The following SLC22A25 variants were observed in gnomAD, a reference collection of about 807,000 sequenced individuals.
SLC22A25 encodes the protein solute carrier family 22 member 25, also known as MGI:2442751, MGI:2385316, MGI:3042283, MGI:3645714, MGI:3605624, MGI:2442750.
SLC22A25 carries 44 observed loss-of-function variants against 45.9 expected under a neutral mutation model. The observed-to-expected ratio is 0.96, with a 90% CI of 0.75 to 1.23. The LOEUF (loss-of-function observed/expected upper bound fraction) is 1.23. Ranked by LOEUF, SLC22A25 falls within the 50% of genes most tolerant of loss-of-function variation. The probability of loss-of-function intolerance (pLI) is 0.00; values close to 1 mark genes in which losing one functional copy is unlikely to be tolerated. For synonymous variants in SLC22A25, 283 were observed against 238.6 expected, an observed-to-expected ratio of 1.19 and a Z score of -1.72; for missense variants, 800 against 666.4, an observed-to-expected ratio of 1.20 and a Z score of -2.21.
intron 3 of SLC22A25, among the ~76,000 whole-genome samples, chr11:63,235,176 T>G (rs2090142082): frequency 6.6e-6 from 1 of 152,206 alleles, no homozygotes; most frequent in African/African-American, 2.4e-5. Context: ...ATTTCCTGAG[T>G]TTGAATGTTG....
chr11:63,171,964 C>A (rs576593469), intron 9 of SLC22A25, among the ~76,000 whole-genome samples: 1 of 151,860 alleles, frequency 6.6e-6, no homozygotes, highest in South Asian at 2.1e-4. Context: ...GATACATAGA[C>A]CAATGGAGCG....
chr11:63,241,191 A>T (rs551699876), intron 1 of SLC22A25, among the ~76,000 whole-genome samples: 1 of 152,218 alleles, frequency 6.6e-6, no homozygotes, highest in Non-Finnish European at 1.5e-5. Context: ...ATTGGAGCTA[A>T]TTGTTGAACC....
At chr11:63,220,049 T>G in intron 5 of SLC22A25, 2 of 1,273,420 alleles carry the variant, frequency 1.6e-6, no homozygotes, top group Non-Finnish European at 2.1e-6. Context: ...ATACGGTAAG[T>G]TAGAGGGTAC....
At chr11:63,209,791 C>T (rs1175114402) in intron 7 of SLC22A25, among the ~76,000 whole-genome samples, 1 of 152,186 alleles carries the variant, frequency 6.6e-6, no homozygotes, top group Admixed American at 6.5e-5. Context: ...CACAACCCAA[C>T]CTGACCAGAT....
At position 63,163,517 on chromosome 11, in the gene SLC22A25, G is replaced by A. The variant is rs1399218009; in HGVS notation, c.*307C>T. Reference sequence around the variant, plus strand: ...ACTCACTGGGCTGAGGGCTCCCCAGGGATGAGAAGATGGTGTTTGGATCCC... The same window carrying A: ...ACTCACTGGGCTGAGGGCTCCCCAGAGATGAGAAGATGGTGTTTGGATCCC... On this transcript the variant is annotated 3_prime_UTR_variant, in exon 12 of 12. Coordinates refer to ENST00000306494, the MANE Select transcript of SLC22A25 (RefSeq NM_199352.6). Among the ~76,000 whole-genome samples, 2 of 152,096 alleles carry A rather than the reference G, an allele frequency of 1.3e-5. No homozygotes were observed. The highest frequency in any genetic ancestry group is 2.9e-5 in the Non-Finnish European group (2 of 68,020).
intron 7 of SLC22A25, among the ~76,000 whole-genome samples, chr11:63,204,674 A>T (rs187192450): frequency 6.6e-6 from 1 of 152,186 alleles, no homozygotes; most frequent in South Asian, 2.1e-4. Flanking sequence ...GTTCTTAGAG[A>T]CCTACAAAGA....
chr11:63,239,760 G>A (rs139120769), intron 1 of SLC22A25, among the ~76,000 whole-genome samples: 91 of 152,286 alleles, frequency 6.0e-4, no homozygotes, highest in Admixed American at 1.6e-3. Flanking sequence ...GGCAGAGTAA[G>A]CCATGGCAAG....
chr11:63,191,250 G>A (rs576291305), intron 7 of SLC22A25, among the ~76,000 whole-genome samples: 73 of 152,184 alleles, frequency 4.8e-4, no homozygotes, highest in Non-Finnish European at 8.5e-4. Flanking sequence ...GCAATGGTGG[G>A]TGCCCCTCCC....
intron 7 of SLC22A25, among the ~76,000 whole-genome samples, chr11:63,194,188 T>C (rs748633123): frequency 1.3e-5 from 2 of 152,112 alleles, no homozygotes; most frequent in Non-Finnish European, 2.9e-5. Context: ...CTATGTTTGA[T>C]TGATGTACCT....
chr11:63,213,556 C>T (rs2089633103), intron 7 of SLC22A25, among the ~76,000 whole-genome samples: 1 of 152,180 alleles, frequency 6.6e-6, no homozygotes, highest in African/African-American at 2.4e-5. Flanking sequence ...GCTGTAGTCA[C>T]CTTAATGGAG....
chr11:63,197,150 G>T (rs1353331438), intron 7 of SLC22A25, among the ~76,000 whole-genome samples: 1 of 152,182 alleles, frequency 6.6e-6, no homozygotes, highest in African/African-American at 2.4e-5. Flanking sequence ...TGGATAGGAA[G>T]AATCAGTATC....
At chr11:63,224,902 A>G (rs2089926754) in intron 5 of SLC22A25, among the ~76,000 whole-genome samples, 2 of 152,208 alleles carry the variant, frequency 1.3e-5, no homozygotes, top group Non-Finnish European at 2.9e-5. Flanking sequence ...GATGGAGACC[A>G]TCCTGGCTAA....
At position 63,227,013 on chromosome 11, in the gene SLC22A25, G is replaced by A. The variant is rs142091149; in HGVS notation, c.506+1448C>T. 2.4e-3 allele frequency among the ~76,000 whole-genome samples: 359 copies of A among 152,194 alleles called. 1 individual carries two copies. The highest frequency in any genetic ancestry group is 8.1e-3 in the African/African-American group (336 of 41,516). ...GGTCAGCTTGTGGTGAATGCTTCCA[G>A]ACCTGGGACTCACCCTTTAGGGCAG... On this transcript the variant is annotated intron_variant, in intron 5 of 11. Coordinates refer to ENST00000306494, the MANE Select transcript of SLC22A25 (RefSeq NM_199352.6).
intron 1 of SLC22A25, among the ~76,000 whole-genome samples, chr11:63,239,954 G>A (rs1486742919): frequency 6.6e-6 from 1 of 152,092 alleles, no homozygotes; most frequent in Non-Finnish European, 1.5e-5. Context: ...CAAAACAACA[G>A]GAATATGCTC....
intron 3 of SLC22A25, among the ~76,000 whole-genome samples, chr11:63,234,466 C>CT (rs1240377194): frequency 6.6e-6 from 1 of 151,964 alleles, no homozygotes; most frequent in Non-Finnish European, 1.5e-5. Context: ...CAACCCCTGC[C>CT]TTTTTTTGTT....
At chr11:63,225,000 G>A (rs535670619) in intron 5 of SLC22A25, among the ~76,000 whole-genome samples, 2 of 152,296 alleles carry the variant, frequency 1.3e-5, no homozygotes, top group Admixed American at 1.3e-4. Context: ...TCGGGAGGCT[G>A]AGGCAGGAGA....
At position 63,229,991 on chromosome 11, in the gene SLC22A25, T is replaced by C. The variant is rs76992350; in HGVS notation, c.-339A>G. Among the ~76,000 whole-genome samples, 418 of 152,380 alleles carry C rather than the reference T, an allele frequency of 2.7e-3. No homozygotes were observed. The highest frequency in any genetic ancestry group is 9.7e-3 in the African/African-American group (402 of 41,594). On this transcript the variant is annotated 5_prime_UTR_variant, in exon 4 of 12. Transcript: ENST00000306494. ...CCAATAGCAGCATTGAACTTTGGTC[T>C]GCACATTTTTTTGTAAACAAACTAA... is the stretch of plus-strand genomic sequence containing the variant.
chr11:63,193,898 G>A (rs1224543688), intron 7 of SLC22A25, among the ~76,000 whole-genome samples: 1 of 152,066 alleles, frequency 6.6e-6, no homozygotes, highest in Non-Finnish European at 1.5e-5. Flanking sequence ...CCCATTGCAA[G>A]GAAGCTAAAA....
rs1458892296 is a variant in SLC22A25, at chr11:63,163,960, A to G, written c.1508T>C (p.Val503Ala). The G allele has an allele frequency of 6.2e-7, 1 of 1,613,716 alleles. No homozygotes were observed. Among genetic ancestry groups the G allele is most frequent in the Non-Finnish European group, 8.5e-7 (1 of 1,179,848 alleles). Residue 503 changes from valine (V) to alanine (A), a missense_variant, in exon 12 of 12, where the codon GTC becomes GCC. Transcript: ENST00000306494. Reference protein sequence around the residue: ...SRPLPWIIYGVFAILSGLVVL... With the variant: ...SRPLPWIIYGAFAILSGLVVL... ...AACAAGGCCAGAGAGGATGGCAAAG[A>G]CTCCATAGATGATCCAGGGCAGGGG...
Sources: gnomAD v4.1 joint callset for allele counts (sites outside exome capture counted in the v4.1 genomes callset) on GRCh38, gnomAD v4.1.1 for gene constraint, MANE v1.5 for transcripts, NCBI Gene and HGNC (gene_info 2026-07-23, HGNC 2026-07-21) for gene names.